MSI2: variants seen among roughly 807,000 people sequenced by gnomAD.
MSI2 encodes the protein musashi RNA binding protein 2, also known as RNA-binding protein Musashi homolog 2.
A neutral mutation model predicts 45.6 loss-of-function variants in MSI2; 17 were observed. The ratio of observed to expected loss-of-function variants is 0.37; its 90% CI spans 0.26 to 0.56. The LOEUF (loss-of-function observed/expected upper bound fraction) is 0.56. Among genes scored for constraint, MSI2 ranks in the 20% least tolerant of loss-of-function variants. MSI2 has a pLI of 0.77. For missense variants in MSI2, 293 were observed against 444.2 expected (o/e 0.66, Z 3.06); for synonymous variants, 156 against 158.2 (o/e 0.99, Z 0.11).
At chr17:57,264,977 C>T (rs1431041316) in intron 5 of MSI2, 1 of 152,254 alleles carries the variant, frequency 6.6e-6, no homozygotes, top group Non-Finnish European at 1.5e-5. Flanking sequence ...GATCTGACCC[C>T]TCAGGCCATC....
intron 5 of MSI2, among the ~76,000 whole-genome samples, chr17:57,395,248 C>T (rs1019715243): frequency 6.6e-6 from 1 of 152,244 alleles, no homozygotes; most frequent in Non-Finnish European, 1.5e-5. Flanking sequence ...TAACTAATTA[C>T]ATCTGTAAAG....
chr17:57,568,720 A>G (rs2087799808), intron 7 of MSI2, among the ~76,000 whole-genome samples: 1 of 152,244 alleles, frequency 6.6e-6, no homozygotes, highest in African/African-American at 2.4e-5. Context: ...TTTTCAGCAC[A>G]TTCCTTCATG....
chr17:57,264,687 T>C (rs1267031682), intron 5 of MSI2: 1 of 152,256 alleles, frequency 6.6e-6, no homozygotes, highest in African/African-American at 2.4e-5. Context: ...GAGCTCATTT[T>C]GTAAATGAGG....
At chr17:57,689,216 G>A (rs1204162821), downstream of MSI2, among the ~76,000 whole-genome samples, 1 of 151,974 alleles carries the variant, frequency 6.6e-6, no homozygotes, top group Non-Finnish European at 1.5e-5. Flanking sequence ...TAGGGTACAT[G>A]TGCTTATTAA....
At chr17:57,374,558 C>T (rs2083465913) in intron 5 of MSI2, among the ~76,000 whole-genome samples, 1 of 152,078 alleles carries the variant, frequency 6.6e-6, no homozygotes, top group Non-Finnish European at 1.5e-5. Context: ...AGGTGGATCA[C>T]CTGAGGTCAG....
At chr17:57,353,850 C>G (rs1043284276) in intron 5 of MSI2, among the ~76,000 whole-genome samples, 2 of 152,106 alleles carry the variant, frequency 1.3e-5, no homozygotes, top group Non-Finnish European at 2.9e-5. Flanking sequence ...GTAAGTCTGT[C>G]ATGGGGATCA....
chr17:57,344,678 A>G (rs768413433), intron 5 of MSI2, among the ~76,000 whole-genome samples: 1 of 152,242 alleles, frequency 6.6e-6, no homozygotes, highest in Non-Finnish European at 1.5e-5. Context: ...GGGCATGTCC[A>G]TGCATCATAT....
chr17:57,494,867 G>C (rs562136214), intron 6 of MSI2, among the ~76,000 whole-genome samples: 1 of 151,930 alleles, frequency 6.6e-6, no homozygotes, highest in East Asian at 1.9e-4. Context: ...AACGAATCCC[G>C]GTCATGACAG....
intron 6 of MSI2, among the ~76,000 whole-genome samples, chr17:57,462,253 C>A (rs1202805786): frequency 6.6e-6 from 1 of 152,236 alleles, no homozygotes; most frequent in African/African-American, 2.4e-5. Flanking sequence ...GATTAGGGTT[C>A]TCTCCGACTT....
chr17:57,494,676 G>A (rs1183427851), intron 6 of MSI2, among the ~76,000 whole-genome samples: 1 of 152,132 alleles, frequency 6.6e-6, no homozygotes, highest in Non-Finnish European at 1.5e-5. Context: ...ATGCTATGAA[G>A]TAGGTACCTG....
intron 5 of MSI2, chr17:57,266,701 A>G (rs915788739): frequency 6.6e-6 from 1 of 152,246 alleles, no homozygotes. Flanking sequence ...TACAATGGTG[A>G]AATGACTGAA....
intron 10 of MSI2, among the ~76,000 whole-genome samples, chr17:57,637,160 G>A (rs1451010973): frequency 6.6e-6 from 1 of 152,140 alleles, no homozygotes; most frequent in Non-Finnish European, 1.5e-5. Flanking sequence ...CCACTCCTGC[G>A]CCACCTGGCC....
intron 5 of MSI2, among the ~76,000 whole-genome samples, chr17:57,366,921 C>T (rs1236423103): frequency 6.6e-6 from 1 of 152,172 alleles, no homozygotes; most frequent in African/African-American, 2.4e-5. Context: ...TTCTTGAGTT[C>T]AGAGGCACAA....
At chr17:57,463,990 CGTGTGTGTGTGTGTGTGT>C (rs58522672) in intron 6 of MSI2, among the ~76,000 whole-genome samples, 3 of 146,292 alleles carry the variant, frequency 2.1e-5, no homozygotes, top group Non-Finnish European at 4.5e-5. Context: ...GTTTAATGAA[CGTGTGTGTGTGTGTGTGT>C]GTGTGTGTGT....
At chr17:57,400,254 T>G (rs1287409302) in intron 5 of MSI2, among the ~76,000 whole-genome samples, 1 of 152,200 alleles carries the variant, frequency 6.6e-6, no homozygotes, top group Non-Finnish European at 1.5e-5. Flanking sequence ...CTCCTTTTTT[T>G]TTTTTATTGT....
At chr17:57,460,047 T>C (rs1426953211) in intron 6 of MSI2, among the ~76,000 whole-genome samples, 1 of 151,854 alleles carries the variant, frequency 6.6e-6, no homozygotes, top group Non-Finnish European at 1.5e-5. Flanking sequence ...GAGAATTGCC[T>C]GAACCCGGGG....
intron 5 of MSI2, among the ~76,000 whole-genome samples, chr17:57,400,849 G>A (rs918519052): frequency 6.6e-6 from 1 of 152,038 alleles, no homozygotes; most frequent in African/African-American, 2.4e-5. Context: ...TCAGGAGGAG[G>A]AATCCTGGAC....
intron 5 of MSI2, among the ~76,000 whole-genome samples, chr17:57,328,252 A>T (rs981636976): frequency 6.9e-6 from 1 of 145,680 alleles, no homozygotes; most frequent in Non-Finnish European, 1.5e-5. Flanking sequence ...CCATCCATCC[A>T]TGTATTCATC....
the MSI2 span, among the ~76,000 whole-genome samples, chr17:57,700,728 CCCCATCTCTACTAAAAATACAAAA>C: frequency 1.3e-5 from 2 of 152,060 alleles, no homozygotes; most frequent in African/African-American, 2.4e-5. Context: ...CATGGTGAAA[CCCCATCTCTACTAAAAATACAAAA>C]ATAGCTGGGC....
Sources: allele counts gnomAD v4.1 joint callset (sites outside exome capture counted in the v4.1 genomes callset), GRCh38; gene constraint gnomAD v4.1.1; transcripts MANE v1.5; gene names NCBI Gene and HGNC (gene_info 2026-07-23, HGNC 2026-07-21).